CDH23: variants seen among roughly 807,000 people sequenced by gnomAD.
CDH23 encodes cadherin-23.
CDH23 carries 189 observed loss-of-function variants against 317.1 expected under a neutral mutation model. The ratio of observed to expected loss-of-function variants is 0.60; its 90% CI spans 0.53 to 0.67. The LOEUF is 0.67. Ranked by LOEUF, CDH23 falls within the 30% of genes least tolerant of loss-of-function variation. The pLI is 0.00. For synonymous variants in CDH23, 1,839 were observed against 1,876.8 expected, an observed-to-expected ratio of 0.98 and a Z score of 0.52; for missense variants, 4,401 against 4,592.4, an observed-to-expected ratio of 0.96 and a Z score of 1.20.
At chr10:71,613,278 C>T (rs1319586008) in intron 9 of CDH23, among the ~76,000 whole-genome samples, 2 of 152,232 alleles carry the variant, frequency 1.3e-5, no homozygotes, top group Non-Finnish European at 1.5e-5. Context: ...TTATATGCCT[C>T]CTTGCAATCC....
chr10:71,482,433 A>C (rs966208924), intron 3 of CDH23, among the ~76,000 whole-genome samples: 1 of 152,140 alleles, frequency 6.6e-6, no homozygotes, highest in African/African-American at 2.4e-5. Context: ...TCTTCTTCTT[A>C]GCATAGGACT....
intron 25 of CDH23, among the ~76,000 whole-genome samples, chr10:71,705,861 C>G (rs1865769017): frequency 2.0e-5 from 3 of 152,104 alleles, no homozygotes; most frequent in Admixed American, 2.0e-4. Flanking sequence ...CTGCTGGCCT[C>G]CATGGGATGG....
intron 11 of CDH23, among the ~76,000 whole-genome samples, chr10:71,630,996 C>A (rs923235723): frequency 1.3e-5 from 2 of 152,212 alleles, no homozygotes; most frequent in African/African-American, 4.8e-5. Flanking sequence ...GTAATCCCAG[C>A]ACTTTGGGAG....
intron 9 of CDH23, among the ~76,000 whole-genome samples, chr10:71,585,758 C>T (rs1859011526): frequency 6.6e-6 from 1 of 152,208 alleles, no homozygotes; most frequent in Admixed American, 6.5e-5. Context: ...TCTCCTGATG[C>T]TCTCATGAGC....
intron 3 of CDH23, among the ~76,000 whole-genome samples, chr10:71,483,165 G>A (rs1316453838): frequency 6.6e-6 from 1 of 152,230 alleles, no homozygotes; most frequent in East Asian, 1.9e-4. Context: ...CTTCTGGGAA[G>A]CTCCCTGGAT....
At chr10:71,576,519 G>A (rs1012660089) in intron 8 of CDH23, among the ~76,000 whole-genome samples, 4 of 152,136 alleles carry the variant, frequency 2.6e-5, no homozygotes, top group Admixed American at 1.3e-4. Context: ...GGTGCAGCTC[G>A]GGCTTCAGCC....
At chr10:71,461,469 G>GGGAGACACA (rs1355902919) in intron 3 of CDH23, among the ~76,000 whole-genome samples, 1 of 152,228 alleles carries the variant, frequency 6.6e-6, no homozygotes, top group Non-Finnish European at 1.5e-5. Flanking sequence ...AGGGAATGAC[G>GGGAGACACA]GGAGACACAC....
intron 9 of CDH23, among the ~76,000 whole-genome samples, chr10:71,592,767 C>G (rs1859580672): frequency 6.6e-6 from 1 of 152,216 alleles, no homozygotes; most frequent in African/African-American, 2.4e-5. Context: ...GACCTGGGTG[C>G]ATTTGATGGC....
chr10:71,467,375 G>C (rs1851305615), intron 3 of CDH23, among the ~76,000 whole-genome samples: 1 of 152,190 alleles, frequency 6.6e-6, no homozygotes, highest in Non-Finnish European at 1.5e-5. Context: ...CAGAGTTTCT[G>C]GTTGAGCAGG....
chr10:71,714,288 G>GA (rs1374891583), intron 28 of CDH23: 1 of 152,090 alleles, frequency 6.6e-6, no homozygotes, highest in African/African-American at 2.4e-5. Context: ...TCCTGCCTCA[G>GA]AGGGTGGGGA....
At chr10:71,522,662 G>A (rs1231948081) in intron 6 of CDH23, among the ~76,000 whole-genome samples, 1 of 152,196 alleles carries the variant, frequency 6.6e-6, no homozygotes, top group African/African-American at 2.4e-5. Flanking sequence ...GCTAACCCCT[G>A]TGGTCATTAC....
In CDH23 at chr10:71,687,607, C is replaced by T. The variant is rs376953302; in HGVS notation, c.1987-40C>T. 4.4e-5 allele frequency: 71 copies of T among 1,598,648 alleles called. No individual in the cohort carries two copies. In the African/African-American group the frequency reaches 7.9e-4, roughly 18 times the overall value. On this transcript the variant is annotated intron_variant, in intron 18 of 69. Transcript: ENST00000224721. ...TTAGACATCTGGCCAGCCCACCTGC[C>T]TCCCTGCAGCCTCCTGCAACCTGTC...
intron 17 of CDH23, among the ~76,000 whole-genome samples, chr10:71,680,093 C>G (rs1035500987): frequency 6.6e-6 from 1 of 152,234 alleles, no homozygotes; most frequent in Non-Finnish European, 1.5e-5. Context: ...GGTTGCCTTG[C>G]GAGCCTCAGC....
intron 3 of CDH23, among the ~76,000 whole-genome samples, chr10:71,497,820 G>A (rs1027480217): frequency 6.6e-6 from 1 of 152,144 alleles, no homozygotes; most frequent in Non-Finnish European, 1.5e-5. Context: ...ACTTGTCACC[G>A]GGCCACCCAG....
chr10:71,608,592 C>G (rs540812171), intron 9 of CDH23, among the ~76,000 whole-genome samples: 2 of 152,338 alleles, frequency 1.3e-5, no homozygotes, highest in African/African-American at 4.8e-5. Context: ...AGAGAAACTT[C>G]AGGCCATCCA....
chr10:71,788,354 G>GT (rs1415512714), intron 44 of CDH23, among the ~76,000 whole-genome samples: 3 of 151,146 alleles, frequency 2.0e-5, no homozygotes, highest in African/African-American at 7.3e-5. Flanking sequence ...CCAGCATGTT[G>GT]TTTTTTGACT....
At chr10:71,398,621 G>C (rs1847642385) in intron 1 of CDH23, among the ~76,000 whole-genome samples, 1 of 152,078 alleles carries the variant, frequency 6.6e-6, no homozygotes, top group African/African-American at 2.4e-5. Context: ...TTAGTGCTTG[G>C]TTCGTGGTGC....
At chr10:71,411,067 T>C (rs1383417576) in intron 1 of CDH23, among the ~76,000 whole-genome samples, 1 of 152,242 alleles carries the variant, frequency 6.6e-6, no homozygotes, top group East Asian at 1.9e-4. Flanking sequence ...ATATTGCCAG[T>C]GTAAATTCTT....
At chr10:71,723,852 G>A (rs983124989) in intron 28 of CDH23, among the ~76,000 whole-genome samples, 193 bp from the exon 29 acceptor site, 1 of 152,162 alleles carries the variant, frequency 6.6e-6, no homozygotes, top group East Asian at 1.9e-4. Context: ...GGCCATCAGC[G>A]GTCGGACATC....
Sources: gnomAD v4.1 joint callset for allele counts (sites outside exome capture counted in the v4.1 genomes callset) on GRCh38, gnomAD v4.1.1 for gene constraint, MANE v1.5 for transcripts, NCBI Gene and HGNC (gene_info 2026-07-23, HGNC 2026-07-21) for gene names.